The following PA2G4 variants were observed in gnomAD, a reference collection of about 807,000 sequenced individuals.
The protein encoded by PA2G4 is proliferation-associated protein 2G4.
In PA2G4, 8 loss-of-function variants were observed where a neutral mutation model predicts 53.3. The ratio of observed to expected loss-of-function variants is 0.15; its 90% CI spans 0.09 to 0.27. PA2G4 has a LOEUF of 0.27. Among genes scored for constraint, PA2G4 ranks in the 10% least tolerant of loss-of-function variants. The probability of loss-of-function intolerance (pLI) is 1.00; values close to 1 mark genes in which losing one functional copy is unlikely to be tolerated. For missense variants in PA2G4, 208 were observed against 486.8 expected, an observed-to-expected ratio of 0.43 and a Z score of 5.39; for synonymous variants, 143 against 169.8, an observed-to-expected ratio of 0.84 and a Z score of 1.23.
rs777453316 is a variant in PA2G4, at chr12:56,104,574, A to T, written c.-164A>T. 1.6e-5 allele frequency: 12 copies of T among 770,944 alleles called. No individual in the cohort carries two copies. Among genetic ancestry groups the T allele is most frequent in the Non-Finnish European group, 2.6e-5 (11 of 423,442 alleles). 47.8% of individuals were successfully genotyped at this position (770,944 alleles called of 1,614,324 possible). On this transcript the variant is annotated 5_prime_UTR_variant, in exon 1 of 13. Transcript: ENST00000303305. Reference sequence around the variant, plus strand: ...CCTGCGCCTCAGCCCGCGCGCTCGCAGCTTCTCGCTCTCGCCTGCCTGCCC... The same window carrying T: ...CCTGCGCCTCAGCCCGCGCGCTCGCTGCTTCTCGCTCTCGCCTGCCTGCCC...
At chr12:56,106,463 C>T (rs1278933619) in intron 1 of PA2G4, 125 bp from the exon 2 acceptor site, 1 of 1,070,938 alleles carries the variant, frequency 9.3e-7, no homozygotes, top group Admixed American at 3.6e-5. Flanking sequence ...GTTGACCTTT[C>T]AGCCTCAGGG....
intron 12 of PA2G4, 147 bp from the exon 13 acceptor site, chr12:56,112,674 TGA>T (rs1565865373): frequency 1.7e-6 from 1 of 597,528 alleles, no homozygotes; most frequent in Non-Finnish European, 2.9e-6. Context: ...GAGGATCACC[TGA>T]GCCCAGGGAA....
rs974131412 is a variant in PA2G4, at chr12:56,110,959, G to A, written c.843-5G>A. 2 of 1,611,548 alleles carry A rather than the reference G, an allele frequency of 1.2e-6. No homozygotes were observed. Among genetic ancestry groups the A allele is most frequent in the Middle Eastern group, 2.1e-4 (1 of 4,756 alleles). On this transcript the variant is annotated splice_region_variant and splice_polypyrimidine_tract_variant and intron_variant, in intron 9 of 12. Coordinates refer to ENST00000303305, the MANE Select transcript of PA2G4 (RefSeq NM_006191.3). ...GATACCTCTGAATATCATCTTCCCT[G>A]CCAGAGCATTTGAAGATGAGAAGAA...
In PA2G4 at chr12:56,104,765, C is replaced by A. The variant is rs1869254596; in HGVS notation, c.28C>A (p.Gln10Lys). 6.2e-7 allele frequency: 1 copy of A among 1,613,808 alleles called. No homozygotes were observed. The highest frequency in any genetic ancestry group is 1.7e-5 in the Admixed American group (1 of 60,012). Residue 10 changes from glutamine to lysine, a missense_variant, in exon 1 of 13, where the codon CAA becomes AAA. This residue lies in a region of PA2G4 where 15 missense variants were observed against 17.6 expected (regional missense o/e 0.85). Coordinates refer to ENST00000303305, the MANE Select transcript of PA2G4 (RefSeq NM_006191.3). ...GTCGGGCGAGGACGAGCAACAGGAG[C>A]AAACTATCGCTGAGGACCTGGTCGT... MSGEDEQQE[Q>K]TIAEDLVVTK...
intron 5 of PA2G4, 89 bp from the exon 6 acceptor site, chr12:56,109,141 A>AAAC: frequency 2.7e-6 from 2 of 750,010 alleles, no homozygotes; most frequent in Non-Finnish European, 4.3e-6. Flanking sequence ...AAAAAAAAAA[A>AAAC]CGCTCAGTTC....
Position 56,111,532 on chromosome 12 carries a change from G to A in PA2G4, c.1119+3G>A. The stretch of plus-strand genomic sequence containing the variant: ...CCCAGAAAAAGAAAAAAAAGAAGGT[G>A]TGTTATTAACGATCATTCCTCTCTG... On this transcript the variant is annotated splice_donor_region_variant and intron_variant, in intron 12 of 12. Coordinates refer to ENST00000303305, the MANE Select transcript of PA2G4 (RefSeq NM_006191.3). 1 of 1,612,900 alleles carries A rather than the reference G, an allele frequency of 6.2e-7. No homozygotes were observed. The highest frequency in any genetic ancestry group is 8.5e-7 in the Non-Finnish European group (1 of 1,179,498).
At position 56,113,507 on chromosome 12, in the gene PA2G4, C is replaced by T. The variant is rs1869476163; in HGVS notation, c.*619C>T. The T allele has an allele frequency of 3.6e-6, 1 of 274,084 alleles. No individual in the cohort carries two copies. Among genetic ancestry groups the T allele is most frequent in the Non-Finnish European group, 6.8e-6 (1 of 146,520 alleles). 17.0% of individuals were successfully genotyped at this position (274,084 alleles called of 1,614,324 possible). A position where few individuals can be genotyped will look rare whatever the true frequency, so the allele number is the denominator to read the frequency against. ...GATTCTCATCTATGAAATGGATCCTCATTTGTAAATCTTTTTTCTTCCATT... is the reference window on the plus strand; with the variant it reads ...GATTCTCATCTATGAAATGGATCCTTATTTGTAAATCTTTTTTCTTCCATT... On this transcript the variant is annotated 3_prime_UTR_variant, in exon 13 of 13. Coordinates refer to ENST00000303305, the MANE Select transcript of PA2G4 (RefSeq NM_006191.3).
Position 56,113,122 on chromosome 12 carries a change from AGAAATT to A in PA2G4, c.*238_*243del. On this transcript the variant is annotated 3_prime_UTR_variant, in exon 13 of 13. Coordinates refer to ENST00000303305, the MANE Select transcript of PA2G4 (RefSeq NM_006191.3). Reference sequence around the variant, plus strand: ...CGGAAGACTACTTTAAATGAAAAAAAGAAATTGAATAATAAAATCAGGAGTCAAAAT... The same window carrying A: ...CGGAAGACTACTTTAAATGAAAAAAAGAATAATAAAATCAGGAGTCAAAAT... The A allele has an allele frequency of 5.1e-6, 2 of 393,906 alleles. No homozygotes were observed. The highest frequency in any genetic ancestry group is 1.1e-4 in the South Asian group (2 of 18,712). 24.4% of individuals were successfully genotyped at this position (393,906 alleles called of 1,614,324 possible). A position where few individuals can be genotyped will look rare whatever the true frequency, so the allele number is the denominator to read the frequency against.
intron 7 of PA2G4, 43 bp from the exon 8 acceptor site, chr12:56,110,356 T>C: frequency 1.7e-6 from 2 of 1,176,198 alleles, no homozygotes; most frequent in Non-Finnish European, 1.3e-6. Context: ...TGAGACTCTG[T>C]GTCAAAAAAA....
At chr12:56,109,576 C>T (rs747599501) in intron 6 of PA2G4, among the ~76,000 whole-genome samples, 7 of 149,648 alleles carry the variant, frequency 4.7e-5, no homozygotes, top group Non-Finnish European at 7.4e-5. Flanking sequence ...GCCAAGATTG[C>T]GCCACTGCAC....
intron 1 of PA2G4, chr12:56,106,225 A>C (rs1034238737): frequency 5.9e-6 from 1 of 170,764 alleles, no homozygotes; most frequent in Non-Finnish European, 1.2e-5. Context: ...AACATTTAAC[A>C]GTGCATCGGC....
rs1869476740 is a variant in PA2G4 at position 56,113,555 on chromosome 12, A to G, written c.*667A>G. 1 of 374,244 alleles carries G rather than the reference A, an allele frequency of 2.7e-6. No individual in the cohort carries two copies. The highest frequency in any genetic ancestry group is 4.2e-5 in the Admixed American group (1 of 23,790). 23.2% of individuals were successfully genotyped at this position (374,244 alleles called of 1,614,324 possible). On this transcript the variant is annotated 3_prime_UTR_variant, in exon 13 of 13. Transcript: ENST00000303305. ...ATTTTCACAAAGCTGTAAAGAAATA[A>G]TCCATCTCAACCTTACCCTTTTTCT... is the stretch of plus-strand genomic sequence containing the variant.
rs771448526 is a variant in PA2G4, at chr12:56,107,598, C to T, written c.471C>T (p.Val157=). Residue 157 remains valine, a synonymous_variant, in exon 5 of 13, where the codon GTC becomes GTT. Coordinates refer to ENST00000303305, the MANE Select transcript of PA2G4 (RefSeq NM_006191.3). ...GTGCTGAAGCTGCCCTACGCCTGGTCAAACCTGGAAATCAGGTAAGCTATT... is the reference window on the plus strand; with the variant it reads ...GTGCTGAAGCTGCCCTACGCCTGGTTAAACCTGGAAATCAGGTAAGCTATT... ...HLCAEAALRL[V]KPGNQNTQVT... 4.3e-6 allele frequency: 7 copies of T among 1,612,216 alleles called. No homozygotes were observed. The South Asian group carries it at 5.5e-5, about 13-fold the overall frequency.
At chr12:56,109,636 A>G (rs537724279) in intron 6 of PA2G4, among the ~76,000 whole-genome samples, 6 of 151,536 alleles carry the variant, frequency 4.0e-5, no homozygotes, top group Admixed American at 2.0e-4. Flanking sequence ...TCTCAAAAAA[A>G]AAAAAAAAAA....
intron 5 of PA2G4, among the ~76,000 whole-genome samples, chr12:56,108,811 T>C (rs955200016): frequency 6.6e-6 from 1 of 152,128 alleles, no homozygotes; most frequent in African/African-American, 2.4e-5. Flanking sequence ...TGACAATCAT[T>C]GGGGCTTGAT....
At chr12:56,109,734 C>G in intron 6 of PA2G4, 123 bp from the exon 7 acceptor site, 1 of 705,158 alleles carries the variant, frequency 1.4e-6, no homozygotes, top group Non-Finnish European at 2.6e-6. Context: ...ATCTCAGAGC[C>G]CTGTGTTTCC....
rs369292731 is a variant in PA2G4, at chr12:56,109,283, G to A, written c.540G>A (p.Thr180=). 2.4e-5 allele frequency: 38 copies of A among 1,609,844 alleles called. No individual in the cohort carries two copies. The highest frequency in any genetic ancestry group is 8.9e-5 in the East Asian group (4 of 44,758). The part of the protein sequence containing the change: ...WNKVAHSFNC[T]PIEGMLSHQL... Reference sequence around the variant, plus strand: ...AAGTTGCCCACTCATTTAACTGCACGCCAATAGAAGGTGAGAACAGATAAC... The same window carrying A: ...AAGTTGCCCACTCATTTAACTGCACACCAATAGAAGGTGAGAACAGATAAC... The change falls in exon 6 of 13, where the codon ACG becomes ACA. Residue 180 remains threonine, a synonymous_variant. Transcript: ENST00000303305.
Position 56,110,384 on chromosome 12 carries a change from C to T in PA2G4, c.630-15C>T, listed in dbSNP as rs750991235. 1.7e-5 allele frequency: 25 copies of T among 1,505,874 alleles called. No individual in the cohort carries two copies. The highest frequency in any genetic ancestry group is 2.2e-5 in the Non-Finnish European group (24 of 1,082,560). The allele number at this position is 1,505,874 out of a possible 1,614,324, so 93.3% of individuals were successfully genotyped here. A position where few individuals can be genotyped will look rare whatever the true frequency, so the allele number is the denominator to read the frequency against. On this transcript the variant is annotated splice_polypyrimidine_tract_variant and intron_variant, in intron 7 of 12. Transcript: ENST00000303305. The stretch of plus-strand genomic sequence containing the variant: ...CAAAAAAAAAAAAAAATTCCTTTCT[C>T]TCTATTCCTTTTAGGAAGGACCATG...
rs1231686003 is a variant in PA2G4 at position 56,106,660 on chromosome 12, C to G, written c.161C>G (p.Ala54Gly). 6.2e-7 allele frequency: 1 copy of G among 1,604,748 alleles called. No homozygotes were observed. Among genetic ancestry groups the G allele is most frequent in the Non-Finnish European group, 8.5e-7 (1 of 1,177,708 alleles). ...SVLSLCEKGDAMIMEETGKIF... is the reference protein window; with the variant it reads ...SVLSLCEKGDGMIMEETGKIF... ...CTGAGCCTGTGTGAGAAAGGTGATGCCATGATTATGGAAGAAACAGGGAAA... is the reference window on the plus strand; with the variant it reads ...CTGAGCCTGTGTGAGAAAGGTGATGGCATGATTATGGAAGAAACAGGGAAA... Residue 54 changes from alanine (A) to glycine (G), a missense_variant, in exon 2 of 13, where the codon GCC (alanine) becomes GGC (glycine). Coordinates refer to ENST00000303305, the MANE Select transcript of PA2G4 (RefSeq NM_006191.3).
Sources: gnomAD v4.1 joint callset for allele counts (sites outside exome capture counted in the v4.1 genomes callset) on GRCh38, gnomAD v4.1.1 for gene constraint, gnomAD v4.1.1 regional missense constraint, MANE v1.5 for transcripts, NCBI Gene and HGNC (gene_info 2026-07-23, HGNC 2026-07-21) for gene names.